The following CNTN5 variants were observed in gnomAD, a reference collection of about 807,000 sequenced individuals.
The protein encoded by CNTN5 is contactin-5.
Under a neutral mutation model 129.1 loss-of-function variants are expected in CNTN5, and 77 were observed. The ratio of observed to expected loss-of-function variants is 0.60; its 90% CI spans 0.50 to 0.72. CNTN5 has a LOEUF of 0.72. Ranked by LOEUF, CNTN5 falls within the 30% of genes least tolerant of loss-of-function variation. The pLI is 0.00. For missense variants in CNTN5, 1,478 were observed against 1,328.8 expected (o/e 1.11, Z -1.75); for synonymous variants, 509 against 465.6 (o/e 1.09, Z -1.20).
intron 1 of CNTN5, among the ~76,000 whole-genome samples, chr11:99,313,629 C>A (rs1044464162): frequency 2.0e-5 from 3 of 151,948 alleles, no homozygotes; most frequent in Non-Finnish European, 2.9e-5. Context: ...TTCTTTATCT[C>A]AAAGTGTACA....
At chr11:99,261,290 T>A (rs1400135383) in intron 1 of CNTN5, among the ~76,000 whole-genome samples, 1 of 152,016 alleles carries the variant, frequency 6.6e-6, no homozygotes, top group African/African-American at 2.4e-5. Flanking sequence ...AAAATTAAAA[T>A]GTGTAATTCT....
chr11:100,096,727 T>A (rs1161434053), intron 13 of CNTN5, among the ~76,000 whole-genome samples: 1 of 152,122 alleles, frequency 6.6e-6, no homozygotes, highest in African/African-American at 2.4e-5. Context: ...TCAATCTACC[T>A]GGCATGTCAC....
intron 1 of CNTN5, among the ~76,000 whole-genome samples, chr11:99,159,133 A>T (rs1271727735): frequency 6.6e-6 from 1 of 152,190 alleles, no homozygotes; most frequent in Non-Finnish European, 1.5e-5. Context: ...ACTACATTGG[A>T]TAATGCTTGT....
chr11:100,330,881 C>T (rs2138987057), intron 21 of CNTN5, among the ~76,000 whole-genome samples: 1 of 152,234 alleles, frequency 6.6e-6, no homozygotes, highest in South Asian at 2.1e-4. Context: ...CTCCTCAAAG[C>T]ATAAATCTCA....
At chr11:100,296,896 T>C (rs1452803234) in intron 18 of CNTN5, among the ~76,000 whole-genome samples, 2 of 151,576 alleles carry the variant, frequency 1.3e-5, no homozygotes, top group East Asian at 3.9e-4. Context: ...TGCAGGCTCA[T>C]AGCCTGTAAA....
intron 1 of CNTN5, among the ~76,000 whole-genome samples, chr11:99,095,830 A>G (rs989682430): frequency 6.6e-6 from 1 of 151,908 alleles, no homozygotes; most frequent in African/African-American, 2.4e-5. Context: ...TGTTCAGGGC[A>G]ATGACAAGAA....
chr11:99,964,342 A>G (rs1210962809), intron 8 of CNTN5, among the ~76,000 whole-genome samples: 1 of 152,114 alleles, frequency 6.6e-6, no homozygotes, highest in Non-Finnish European at 1.5e-5. Flanking sequence ...ATCAATACCT[A>G]ATTTATTGAG....
At chr11:99,731,447 A>G (rs1943531421) in intron 3 of CNTN5, among the ~76,000 whole-genome samples, 1 of 152,188 alleles carries the variant, frequency 6.6e-6, no homozygotes, top group Non-Finnish European at 1.5e-5. Context: ...GTCAAGTGCT[A>G]TTCCTTGTTT....
intron 1 of CNTN5, among the ~76,000 whole-genome samples, chr11:99,106,495 G>C (rs915466539): frequency 2.0e-5 from 3 of 151,844 alleles, no homozygotes; most frequent in African/African-American, 7.3e-5. Flanking sequence ...ATGGAATGTA[G>C]TTCCTATAAT....
intron 12 of CNTN5, among the ~76,000 whole-genome samples, chr11:100,073,203 C>T (rs1171842736): frequency 6.6e-6 from 1 of 151,922 alleles, no homozygotes. Context: ...CCCACAGCCA[C>T]ACCCAGCTGA....
chr11:99,952,585 G>GGATGA (rs1950703145), intron 7 of CNTN5, among the ~76,000 whole-genome samples: 1 of 151,886 alleles, frequency 6.6e-6, no homozygotes, highest in Non-Finnish European at 1.5e-5. Context: ...AGGCTGGAGC[G>GGATGA]CAGTGGCACA....
intron 2 of CNTN5, among the ~76,000 whole-genome samples, chr11:99,479,226 C>T (rs116925389): frequency 9.3e-4 from 141 of 150,878 alleles, no homozygotes; most frequent in Non-Finnish European, 1.9e-3. Context: ...CACTGGAAAC[C>T]AATAACTTTT....
At chr11:99,326,115 A>T (rs988205620) in intron 2 of CNTN5, among the ~76,000 whole-genome samples, 2 of 152,252 alleles carry the variant, frequency 1.3e-5, no homozygotes, top group Admixed American at 6.5e-5. Flanking sequence ...TTGTGTAATA[A>T]TAATCCTTTA....
intron 18 of CNTN5, among the ~76,000 whole-genome samples, chr11:100,287,885 C>T (rs1023208320): frequency 1.3e-5 from 2 of 152,048 alleles, no homozygotes; most frequent in Admixed American, 6.6e-5. Context: ...GAAACACACA[C>T]AGGCTCAAAA....
intron 2 of CNTN5, among the ~76,000 whole-genome samples, chr11:99,406,284 G>C (rs1159474015): frequency 6.6e-6 from 1 of 151,992 alleles, no homozygotes; most frequent in Non-Finnish European, 1.5e-5. Flanking sequence ...TAATGCTGTG[G>C]TTCTTATAGA....
chr11:99,158,608 G>C (rs1422267575), intron 1 of CNTN5, among the ~76,000 whole-genome samples: 1 of 152,022 alleles, frequency 6.6e-6, no homozygotes, highest in Non-Finnish European at 1.5e-5. Context: ...TGAAATGAAC[G>C]CGAGGTACCT....
intron 2 of CNTN5, among the ~76,000 whole-genome samples, chr11:99,344,919 T>G (rs1484060031): frequency 6.6e-6 from 1 of 152,204 alleles, no homozygotes; most frequent in Non-Finnish European, 1.5e-5. Flanking sequence ...CTTACAAGAT[T>G]AGACATTTCT....
chr11:99,443,993 T>G (rs570255369), intron 2 of CNTN5, among the ~76,000 whole-genome samples: 2 of 152,206 alleles, frequency 1.3e-5, no homozygotes, highest in African/African-American at 4.8e-5. Flanking sequence ...AGGTCAGGAC[T>G]TCGAGACCAG....
rs180882753 is a variant in CNTN5, at chr11:99,803,150, C to A, written c.56-16394C>A. Reference sequence around the variant, plus strand: ...AGGACGGGGTGGTTCAGGCTGTTGACCCAGGTGAGCAGCTGCTGAAAATGC... The same window carrying A: ...AGGACGGGGTGGTTCAGGCTGTTGAACCAGGTGAGCAGCTGCTGAAAATGC... On this transcript the variant is annotated intron_variant, in intron 3 of 24. Coordinates refer to ENST00000524871, the MANE Select transcript of CNTN5 (RefSeq NM_014361.4). Among the ~76,000 whole-genome samples, 3 of 152,146 alleles carry A rather than the reference C, an allele frequency of 2.0e-5. No homozygotes were observed. The East Asian group carries it at 5.8e-4, about 30-fold the overall frequency.
Sources: gnomAD v4.1 joint callset for allele counts (sites outside exome capture counted in the v4.1 genomes callset) on GRCh38, gnomAD v4.1.1 for gene constraint, MANE v1.5 for transcripts, NCBI Gene and HGNC (gene_info 2026-07-23, HGNC 2026-07-21) for gene names.